Variants in ROBO1 observed in about 807,000 individuals in gnomAD.
ROBO1 encodes the protein roundabout guidance receptor 1.
Under a neutral mutation model 195.9 loss-of-function variants are expected in ROBO1, and 149 were observed. The observed-to-expected ratio is 0.76, with a 90% CI of 0.67 to 0.87. ROBO1 has a LOEUF of 0.87. ROBO1 is among the 40% of genes least tolerant of loss of function. The pLI, the probability that ROBO1 is intolerant of heterozygous loss-of-function variation, is 0.00. For missense variants in ROBO1, 1,933 were observed against 2,068.3 expected (o/e 0.93, Z 1.27); for synonymous variants, 816 against 733.2 (o/e 1.11, Z -1.82).
chr3:78,743,984 A>AT (rs1309841588), intron 5 of ROBO1, among the ~76,000 whole-genome samples: 2 of 152,072 alleles, frequency 1.3e-5, no homozygotes, highest in African/African-American at 2.4e-5. Flanking sequence ...CCACGATGTA[A>AT]TTTTTTCTCC....
rs111863269 is a variant in ROBO1, at chr3:78,887,779, A to G, written c.499+50822T>C. 8.5e-3 allele frequency among the ~76,000 whole-genome samples: 1,291 copies of G among 152,238 alleles called. 23 individuals are homozygous for G. Among genetic ancestry groups the G allele is most frequent in the African/African-American group, 0.027 (1,116 of 41,550 alleles). ...TATGTTAGGCTAACCTGGTTGCTTG[A>G]GATCTGAATAAAATCAGCTCAAACC... is the stretch of plus-strand genomic sequence containing the variant. On this transcript the variant is annotated intron_variant, in intron 4 of 30. Transcript: ENST00000464233.
Position 78,685,810 on chromosome 3 carries a change from G to A in ROBO1, c.1278C>T (p.Tyr426=), listed in dbSNP as rs2107823073. ...TNVQRSDVGY[Y]ICQTLNVAGS... ...CAGCAACATTTAAAGTCTGGCAGAT[G>A]TAATAACCAACATCAGATCGCTGGA... Residue 426 remains tyrosine, a synonymous_variant, in exon 10 of 31, where the codon TAC becomes TAT. Transcript: ENST00000464233. 1.2e-6 allele frequency: 2 copies of A among 1,612,400 alleles called. No homozygotes were observed. Among genetic ancestry groups the A allele is most frequent in the Non-Finnish European group, 1.7e-6 (2 of 1,178,844 alleles).
intron 2 of ROBO1, among the ~76,000 whole-genome samples, chr3:79,438,139 A>C (rs2107100025): frequency 6.6e-6 from 1 of 152,082 alleles, no homozygotes; most frequent in African/African-American, 2.4e-5. Flanking sequence ...ATGTCATACA[A>C]ATTACTTATA....
intron 2 of ROBO1, among the ~76,000 whole-genome samples, chr3:79,402,735 C>G (rs1051661929): frequency 6.6e-6 from 1 of 151,906 alleles, no homozygotes; most frequent in East Asian, 1.9e-4. Flanking sequence ...GGTGCCTACT[C>G]TTATAGTCTT....
intron 2 of ROBO1, among the ~76,000 whole-genome samples, chr3:79,458,409 C>T (rs1386390762): frequency 6.6e-6 from 1 of 152,104 alleles, no homozygotes; most frequent in Non-Finnish European, 1.5e-5. Flanking sequence ...CCCAGCATGT[C>T]TTGTTCCACA....
At chr3:79,611,925 A>G (rs1192184865) in intron 1 of ROBO1, among the ~76,000 whole-genome samples, 2 of 152,082 alleles carry the variant, frequency 1.3e-5, no homozygotes, top group South Asian at 4.1e-4. Flanking sequence ...AAAAGAAAAT[A>G]AATAAAAAAA....
intron 4 of ROBO1, among the ~76,000 whole-genome samples, chr3:78,906,986 A>T (rs571495325): frequency 6.6e-6 from 1 of 152,070 alleles, no homozygotes; most frequent in Non-Finnish European, 1.5e-5. Context: ...GTTTTGTTTA[A>T]ATGTATGAAG....
rs1027051984 is a variant in ROBO1, at chr3:78,881,177, T to C, written c.499+57424A>G. ...AGCAGAGATGAGTTTTATTTGTTTC[T>C]CTAATAGTGGGAAGAAATATTGATG... On this transcript the variant is annotated intron_variant, in intron 4 of 30. Transcript: ENST00000464233. 1.3e-4 allele frequency among the ~76,000 whole-genome samples: 20 copies of C among 152,174 alleles called. 1 individual carries two copies. The highest frequency in any genetic ancestry group is 1.2e-3 in the Admixed American group (18 of 15,264).
At chr3:78,911,252 A>G (rs2038223818) in intron 4 of ROBO1, among the ~76,000 whole-genome samples, 1 of 152,076 alleles carries the variant, frequency 6.6e-6, no homozygotes, top group African/African-American at 2.4e-5. Context: ...AATCCAATCT[A>G]TGGCAAATAA....
intron 2 of ROBO1, among the ~76,000 whole-genome samples, chr3:79,368,168 A>G (rs567216659): frequency 6.6e-6 from 1 of 152,172 alleles, no homozygotes; most frequent in Non-Finnish European, 1.5e-5. Context: ...ACTGGCCTCA[A>G]ATGATCCGCT....
intron 2 of ROBO1, among the ~76,000 whole-genome samples, chr3:79,408,978 TATG>T (rs917877405): frequency 1.3e-5 from 2 of 152,132 alleles, no homozygotes; most frequent in Non-Finnish European, 1.5e-5. Flanking sequence ...TTTGAGTTTC[TATG>T]ATGTGTCAGA....
At chr3:79,614,925 G>A (rs78380212) in intron 1 of ROBO1, among the ~76,000 whole-genome samples, 2 of 152,132 alleles carry the variant, frequency 1.3e-5, no homozygotes, top group African/African-American at 4.8e-5. Flanking sequence ...AGAGTCTTAT[G>A]TGGAAAATTC....
chr3:79,008,682 C>G (rs1162683239), intron 3 of ROBO1, among the ~76,000 whole-genome samples: 4 of 151,484 alleles, frequency 2.6e-5, no homozygotes, highest in Non-Finnish European at 4.4e-5. Context: ...CATCCTCAAC[C>G]TCCTGGGCTC....
At chr3:79,241,673 G>GATAACAATATTTATGTAATAAATATGTA (rs2082520684) in intron 2 of ROBO1, among the ~76,000 whole-genome samples, 2 of 149,974 alleles carry the variant, frequency 1.3e-5, no homozygotes, top group South Asian at 4.2e-4. Context: ...TGTAAATATA[G>GATAACAATATTTATGTAATAAATATGTA]ATAACAATAT....
Position 78,667,932 on chromosome 3 carries a change from T to C in ROBO1, c.1917A>G (p.Ala639=), listed in dbSNP as rs780605458. 49 of 1,613,704 alleles carry C rather than the reference T, an allele frequency of 3.0e-5. No individual in the cohort carries two copies. The East Asian group carries it at 1.0e-3, about 34-fold the overall frequency. The change falls in exon 14 of 31, where the codon GCA becomes GCG. Residue 639 remains alanine (A), a synonymous_variant. Transcript: ENST00000464233. The part of the protein sequence containing the change: ...IYLFLVRAAN[A]YGISDPSQIS... The stretch of plus-strand genomic sequence containing the variant: ...TTTGGCTTGGATCACTAATTCCATA[T>C]GCATTAGCTGCCCTCACAAGGAAAA...
At chr3:79,167,155 G>A (rs985423113) in intron 2 of ROBO1, among the ~76,000 whole-genome samples, 3 of 151,522 alleles carry the variant, frequency 2.0e-5, no homozygotes, top group Non-Finnish European at 4.4e-5. Context: ...TTATAAAATT[G>A]AAGAAAGGTC....
chr3:78,783,340 C>G (rs2083737376), intron 4 of ROBO1, among the ~76,000 whole-genome samples: 1 of 151,992 alleles, frequency 6.6e-6, no homozygotes, highest in South Asian at 2.1e-4. Flanking sequence ...ACAAAGAAAA[C>G]CAAAGCAAAA....
chr3:79,359,371 T>C (rs150203060), intron 2 of ROBO1, among the ~76,000 whole-genome samples: 10 of 152,152 alleles, frequency 6.6e-5, no homozygotes, highest in African/African-American at 2.2e-4. Flanking sequence ...CAATAAACAT[T>C]ATGAAATACA....
In ROBO1 at chr3:78,693,475, T is replaced by A. The variant is rs975608128; in HGVS notation, c.1046-4703A>T. The A allele has an allele frequency of 1.8e-5, 13 of 740,416 alleles. No homozygotes were observed. In the African/African-American group the frequency reaches 1.8e-4, roughly 10 times the overall value. The allele number at this position is 740,416 out of a possible 1,614,324, so 45.9% of individuals were successfully genotyped here. A position where few individuals can be genotyped will look rare whatever the true frequency, so the allele number is the denominator to read the frequency against. ...TTCTTCTTTTAAGATAAAGAACATG[T>A]TAATACTTGAATATATGGCTCACAC... On this transcript the variant is annotated intron_variant, in intron 8 of 30. Transcript: ENST00000464233.
Sources: gnomAD v4.1 joint callset for allele counts (sites outside exome capture counted in the v4.1 genomes callset) on GRCh38, gnomAD v4.1.1 for gene constraint, MANE v1.5 for transcripts, NCBI Gene and HGNC (gene_info 2026-07-23, HGNC 2026-07-21) for gene names.